Variants in PATJ observed in about 807,000 individuals in gnomAD.
PATJ encodes PATJ crumbs cell polarity complex component.
In PATJ, 190 loss-of-function variants were observed where a neutral mutation model predicts 224.9. That is an observed-to-expected ratio of 0.84 (90% CI 0.75 to 0.95). The LOEUF (loss-of-function observed/expected upper bound fraction) is 0.95. PATJ is among the 40% of genes least tolerant of loss of function. PATJ has a pLI of 0.00. For synonymous variants in PATJ, 769 were observed against 820.3 expected (o/e 0.94, Z 1.07); for missense variants, 2,121 against 2,270.3 (o/e 0.93, Z 1.34).
chr1:61,990,402 G>A, intron 28 of PATJ, 38 bp downstream of exon 28: 1 of 1,487,640 alleles, frequency 6.7e-7, no homozygotes, highest in Non-Finnish European at 9.3e-7. Context: ...TTTTGGTGAA[G>A]TGGATGGGTG....
At chr1:61,852,119 TAAAAAAAAAAA>T (rs3030913) in intron 17 of PATJ, among the ~76,000 whole-genome samples, 1 of 108,926 alleles carries the variant, frequency 9.2e-6, no homozygotes, top group African/African-American at 3.6e-5. Flanking sequence ...GATTCTGTCT[TAAAAAAAAAAA>T]AAAAAAAAAA....
At chr1:62,085,005 T>C (rs969193705) in intron 33 of PATJ, among the ~76,000 whole-genome samples, 2 of 152,164 alleles carry the variant, frequency 1.3e-5, no homozygotes, top group Non-Finnish European at 1.5e-5. Context: ...CTCACGCCTG[T>C]AATCCCAGCA....
intron 33 of PATJ, among the ~76,000 whole-genome samples, chr1:62,093,950 T>C (rs1306542148): frequency 2.6e-5 from 4 of 152,218 alleles, no homozygotes; most frequent in Non-Finnish European, 5.9e-5. Context: ...AGTCTTGAAA[T>C]GCAAAACCTT....
At chr1:61,868,837 G>GA (rs1247629774) in intron 20 of PATJ, among the ~76,000 whole-genome samples, 1 of 152,206 alleles carries the variant, frequency 6.6e-6, no homozygotes. Flanking sequence ...ATGTCTCGGA[G>GA]AAAAAACTTC....
At chr1:61,880,386 T>A (rs1667929642) in intron 21 of PATJ, among the ~76,000 whole-genome samples, 2 of 152,226 alleles carry the variant, frequency 1.3e-5, no homozygotes, top group African/African-American at 2.4e-5. Context: ...GAATGTTGGA[T>A]ACACTTAAAG....
intron 31 of PATJ, chr1:62,073,322 T>A (rs1379515524): frequency 1.0e-6 from 1 of 985,264 alleles, no homozygotes; most frequent in Non-Finnish European, 1.2e-6. Flanking sequence ...CCTAAACAGA[T>A]GCTTAAAAGG....
At chr1:61,862,981 T>C (rs923012970) in intron 19 of PATJ, among the ~76,000 whole-genome samples, 2 of 148,518 alleles carry the variant, frequency 1.3e-5, no homozygotes, top group Non-Finnish European at 3.0e-5. Context: ...AAATACATCC[T>C]CTAACCACAT....
intron 31 of PATJ, among the ~76,000 whole-genome samples, chr1:62,055,989 G>C (rs1469689252): frequency 6.6e-6 from 1 of 152,140 alleles, no homozygotes; most frequent in Admixed American, 6.5e-5. Flanking sequence ...ATGGAGTTCT[G>C]ATGTCCAGGG....
chr1:62,028,550 G>A (rs137894793), intron 29 of PATJ, among the ~76,000 whole-genome samples: 2,478 of 152,218 alleles, frequency 0.016, 69 homozygotes, highest in African/African-American at 0.057. Flanking sequence ...AGGCTGAGGT[G>A]GGAGGATTGC....
intron 27 of PATJ, among the ~76,000 whole-genome samples, chr1:61,962,417 A>T (rs1275659871): frequency 1.3e-5 from 2 of 152,196 alleles, no homozygotes; most frequent in African/African-American, 2.4e-5. Flanking sequence ...TTCTTGAAAT[A>T]TTCATTTCAG....
At chr1:61,774,870 A>G (rs1230754202) in intron 6 of PATJ, among the ~76,000 whole-genome samples, 2 of 152,124 alleles carry the variant, frequency 1.3e-5, no homozygotes, top group African/African-American at 2.4e-5. Flanking sequence ...ACTGGTCCCT[A>G]CTATGTGCTG....
At chr1:61,883,863 GT>G (rs67157531) in intron 21 of PATJ, among the ~76,000 whole-genome samples, 9,335 of 145,468 alleles carry the variant, frequency 0.064, 407 homozygotes, top group Non-Finnish European at 0.088. Flanking sequence ...TTCTGTGGAG[GT>G]TTTTTTTTTT....
intron 31 of PATJ, among the ~76,000 whole-genome samples, chr1:62,055,078 T>A (rs1216374980): frequency 6.6e-6 from 1 of 152,048 alleles, no homozygotes; most frequent in Admixed American, 6.6e-5. Flanking sequence ...AAAATTTAAG[T>A]TTTTTTCTAA....
chr1:61,783,970 G>C lies in PATJ; in HGVS notation c.850-3784G>C, dbSNP rs1647959221. Among the ~76,000 whole-genome samples the C allele has an allele frequency of 1.3e-5, 2 of 151,776 alleles. 1 individual carries two copies. Among genetic ancestry groups the C allele is most frequent in the South Asian group, 4.1e-4 (2 of 4,820 alleles). On this transcript the variant is annotated intron_variant, in intron 7 of 43. Coordinates refer to ENST00000642238, the MANE Select transcript of PATJ (RefSeq NM_001350145.3). ...TGTTGGCCAGGCTGGTTTGGTGATA[G>C]AGTGAGACTCCCTCTCAAACAAAAA...
At chr1:61,907,482 G>A (rs568269273) in intron 24 of PATJ, among the ~76,000 whole-genome samples, 9 of 152,304 alleles carry the variant, frequency 5.9e-5, no homozygotes, top group East Asian at 1.9e-4. Flanking sequence ...CCTCTTGACC[G>A]TCCAAGGATA....
chr1:62,070,130 G>A (rs539947207), intron 31 of PATJ, among the ~76,000 whole-genome samples: 3 of 152,136 alleles, frequency 2.0e-5, no homozygotes, highest in Admixed American at 1.3e-4. Context: ...TGAAACCAAG[G>A]TCGAATTGCA....
intron 1 of PATJ, among the ~76,000 whole-genome samples, chr1:61,743,903 CT>C (rs1216600444): frequency 6.6e-6 from 1 of 152,036 alleles, no homozygotes; most frequent in Non-Finnish European, 1.5e-5. Flanking sequence ...TAAAAGGAAA[CT>C]TTTATTGGCA....
intron 42 of PATJ, among the ~76,000 whole-genome samples, chr1:62,149,382 A>G (rs2666491): frequency 0.74 from 113,145 of 152,024 alleles, 42,566 homozygotes; most frequent in African/African-American, 0.84. Flanking sequence ...TTTGTTGACA[A>G]ATCTGGATGG....
At chr1:61,843,297 G>A (rs1271808338) in intron 17 of PATJ, among the ~76,000 whole-genome samples, 1 of 152,208 alleles carries the variant, frequency 6.6e-6, no homozygotes, top group African/African-American at 2.4e-5. Context: ...TTACGAGTCA[G>A]AAAGCTCCCA....
Sources: gnomAD v4.1 joint callset for allele counts (sites outside exome capture counted in the v4.1 genomes callset) on GRCh38, gnomAD v4.1.1 for gene constraint, MANE v1.5 for transcripts, NCBI Gene and HGNC (gene_info 2026-07-23, HGNC 2026-07-21) for gene names.